The following SWT1 variants were observed in gnomAD, a reference collection of about 807,000 sequenced individuals.
The protein encoded by SWT1 is SWT1 RNA endoribonuclease homolog.
In SWT1, 33 loss-of-function variants were observed where a neutral mutation model predicts 107.3. The ratio of observed to expected loss-of-function variants is 0.31; its 90% CI spans 0.23 to 0.41. The LOEUF (loss-of-function observed/expected upper bound fraction) is 0.41, where lower values mean the gene tolerates loss of function less well. SWT1 is among the 10% of genes least tolerant of loss of function. SWT1 has a pLI of 1.00. For synonymous variants in SWT1, 345 were observed against 348.3 expected (o/e 0.99, Z 0.11); for missense variants, 898 against 1,028.9 (o/e 0.87, Z 1.74).
intron 4 of SWT1, chr1:185,171,471 C>T (rs1655054234): frequency 3.4e-6 from 1 of 291,530 alleles, no homozygotes; most frequent in Admixed American, 4.8e-5. Flanking sequence ...TTTCAAATAC[C>T]TTTTGGGAAG....
chr1:185,245,693 A>G (rs925907031), intron 16 of SWT1, among the ~76,000 whole-genome samples: 6 of 152,128 alleles, frequency 3.9e-5, no homozygotes, highest in African/African-American at 1.4e-4. Flanking sequence ...GAGTTGTGCT[A>G]GTAGGAAGTT....
chr1:185,215,191 C>T (rs1168264663), intron 14 of SWT1, among the ~76,000 whole-genome samples: 1 of 152,102 alleles, frequency 6.6e-6, no homozygotes, highest in African/African-American at 2.4e-5. Flanking sequence ...TATTTTGTCA[C>T]ATTTGCTTTA....
At chr1:185,255,895 G>C (rs1303935563) in intron 16 of SWT1, among the ~76,000 whole-genome samples, 1 of 151,342 alleles carries the variant, frequency 6.6e-6, no homozygotes, top group African/African-American at 2.4e-5. Flanking sequence ...TTACATTTTG[G>C]CATGATTTTG....
In SWT1 at chr1:185,184,769, C is replaced by A. The variant is rs143168409; in HGVS notation, c.1267C>A (p.Pro423Thr). ...PGFDKLVLIIPWVVMQELDRM... is the reference protein window; with the variant it reads ...PGFDKLVLIITWVVMQELDRM... The stretch of plus-strand genomic sequence containing the variant: ...TTTTGACAAACTTGTGTTAATAATT[C>A]CCTGGGTCGTTATGCAAGAGCTAGA... The change falls in exon 9 of 19, where the codon CCC (proline) becomes ACC (threonine). Residue 423 changes from proline to threonine, a missense_variant. By Grantham distance (38) the Pro-to-Thr change is conservative. Coordinates refer to ENST00000367500, the MANE Select transcript of SWT1 (RefSeq NM_017673.7). 6.2e-7 allele frequency: 1 copy of A among 1,609,394 alleles called. No homozygotes were observed. Among genetic ancestry groups the A allele is most frequent in the African/African-American group, 1.3e-5 (1 of 74,642 alleles).
chr1:185,201,154 A>G (rs1458506060), intron 10 of SWT1, among the ~76,000 whole-genome samples: 4 of 152,090 alleles, frequency 2.6e-5, no homozygotes, highest in Non-Finnish European at 5.9e-5. Context: ...TGGCAGCAAG[A>G]ATTTCAAGCC....
intron 6 of SWT1, among the ~76,000 whole-genome samples, chr1:185,180,943 A>G (rs1303437978): frequency 6.6e-6 from 1 of 152,228 alleles, no homozygotes; most frequent in African/African-American, 2.4e-5. Flanking sequence ...AGTTAAGATG[A>G]GATTCGTGGA....
rs565570740 is a variant in SWT1, at chr1:185,169,780, A to AT, written c.224+1397dup. Among the ~76,000 whole-genome samples, 722 of 143,790 alleles carry AT rather than the reference A, an allele frequency of 5.0e-3. 1 individual carries two copies. Among genetic ancestry groups the AT allele is most frequent in the South Asian group, 7.7e-3 (35 of 4,518 alleles). 94.3% of individuals were successfully genotyped at this position (143,790 alleles called of 152,430 possible). On this transcript the variant is annotated intron_variant, in intron 4 of 18. Transcript: ENST00000367500. ...AAATGCTAACTTCAGCCCAGGATTAATTTTTTTTTTTTTTTACAGCTAAAC... is the reference window on the plus strand; with the variant it reads ...AAATGCTAACTTCAGCCCAGGATTAATTTTTTTTTTTTTTTTACAGCTAAAC...
At chr1:185,214,484 C>A (rs571400703) in intron 13 of SWT1, 23 bp from the exon 14 acceptor site, 12 of 1,571,826 alleles carry the variant, frequency 7.6e-6, no homozygotes, top group Admixed American at 3.7e-5. Context: ...CCATATTTTT[C>A]TGTCTTAATT....
At chr1:185,166,547 T>A in intron 2 of SWT1, 25 bp from the exon 3 acceptor site, 1 of 1,491,256 alleles carries the variant, frequency 6.7e-7, no homozygotes, top group Non-Finnish European at 9.2e-7. Context: ...CTTTTTAAAA[T>A]TCATTTTCTT....
chr1:185,227,647 C>G, intron 15 of SWT1: 1 of 596,698 alleles, frequency 1.7e-6, no homozygotes, highest in Non-Finnish European at 3.0e-6. Context: ...TTCTACATTT[C>G]ACTTGGTATC....
chr1:185,219,246 C>G (rs549730680), intron 14 of SWT1, among the ~76,000 whole-genome samples: 1 of 152,268 alleles, frequency 6.6e-6, no homozygotes, highest in East Asian at 1.9e-4. Context: ...TGCTGAAGGT[C>G]AAATCCTGTT....
intron 16 of SWT1, among the ~76,000 whole-genome samples, chr1:185,246,273 C>G (rs988327748): frequency 6.6e-6 from 1 of 151,806 alleles, no homozygotes; most frequent in Admixed American, 6.6e-5. Context: ...AGTATCACAT[C>G]CTTTAAATTT....
chr1:185,189,456 T>G (rs967618673), intron 9 of SWT1, among the ~76,000 whole-genome samples: 1 of 152,190 alleles, frequency 6.6e-6, no homozygotes, highest in Admixed American at 6.5e-5. Flanking sequence ...GCTTTAGAGA[T>G]TAAGGAAGAG....
At chr1:185,200,361 G>A (rs564476031) in intron 10 of SWT1, among the ~76,000 whole-genome samples, 4 of 151,830 alleles carry the variant, frequency 2.6e-5, no homozygotes, top group Non-Finnish European at 5.9e-5. Context: ...TTTTTGAGCT[G>A]GTTTTTCCTC....
In SWT1 at chr1:185,268,954, G is replaced by A. The variant is rs1356540291; in HGVS notation, c.2442-2369G>A. 2.2e-4 allele frequency among the ~76,000 whole-genome samples: 33 copies of A among 149,432 alleles called. 1 individual carries two copies. The Admixed American group carries it at 2.2e-3, about 10-fold the overall frequency. ...TGCAAGCTCCGCCTCCCGGGTTCAC[G>A]CCATTCTCCTGCCTCAGCCTCCCGA... On this transcript the variant is annotated intron_variant, in intron 16 of 18. Transcript: ENST00000367500.
intron 7 of SWT1, among the ~76,000 whole-genome samples, chr1:185,183,055 T>C (rs1571437240): frequency 1.3e-5 from 2 of 151,464 alleles, no homozygotes; most frequent in South Asian, 4.2e-4. Context: ...GAGAATGGCT[T>C]GAACCTGGGA....
chr1:185,179,075 A>G (rs1411751011), intron 5 of SWT1, among the ~76,000 whole-genome samples: 1 of 152,158 alleles, frequency 6.6e-6, no homozygotes, highest in Non-Finnish European at 1.5e-5. Context: ...GTTTGAGACC[A>G]GCTTGGCCAA....
At chr1:185,218,173 G>A (rs951924951) in intron 14 of SWT1, among the ~76,000 whole-genome samples, 3 of 152,144 alleles carry the variant, frequency 2.0e-5, no homozygotes, top group Non-Finnish European at 2.9e-5. Context: ...TACCTCCAAA[G>A]ATATGGTATC....
In SWT1 at chr1:185,291,763, A is replaced by G. The variant is rs1665257539; in HGVS notation, c.*960A>G. The G allele has an allele frequency of 6.6e-6, 1 of 152,534 alleles. No individual in the cohort carries two copies. The highest frequency in any genetic ancestry group is 1.9e-4 in the East Asian group (1 of 5,204). The allele number at this position is 152,534 out of a possible 1,614,324, so 9.4% of individuals were successfully genotyped here. A position where few individuals can be genotyped will look rare whatever the true frequency, so the allele number is the denominator to read the frequency against. On this transcript the variant is annotated 3_prime_UTR_variant, in exon 19 of 19. Transcript: ENST00000367500. ...ATTATAAAAGTGACTGTCTGCAATA[A>G]AAGAGAACTTGTTCAGGATATTCAC... is the stretch of plus-strand genomic sequence containing the variant.
Sources: allele counts gnomAD v4.1 joint callset (sites outside exome capture counted in the v4.1 genomes callset), GRCh38; gene constraint gnomAD v4.1.1; transcripts MANE v1.5; gene names NCBI Gene and HGNC (gene_info 2026-07-23, HGNC 2026-07-21).